Variants in ITFG1 observed in about 807,000 individuals in gnomAD.
The protein encoded by ITFG1 is integrin alpha FG-GAP repeat containing 1.
ITFG1 carries 34 observed loss-of-function variants against 81.8 expected under a neutral mutation model. The ratio of observed to expected loss-of-function variants is 0.42; its 90% CI spans 0.32 to 0.55. The LOEUF (loss-of-function observed/expected upper bound fraction) is 0.55, where lower values mean the gene tolerates loss of function less well. ITFG1 is among the 20% of genes least tolerant of loss of function. The pLI is 0.17. For missense variants in ITFG1, 672 were observed against 755.4 expected, an observed-to-expected ratio of 0.89 and a Z score of 1.29; for synonymous variants, 285 against 270.6, an observed-to-expected ratio of 1.05 and a Z score of -0.52.
chr16:47,379,057 G>A (rs1227930103), intron 6 of ITFG1, among the ~76,000 whole-genome samples: 2 of 152,160 alleles, frequency 1.3e-5, no homozygotes, highest in Non-Finnish European at 2.9e-5. Flanking sequence ...GAACAACTTC[G>A]GCTGAAAAGG....
intron 5 of ITFG1, among the ~76,000 whole-genome samples, chr16:47,444,074 CTTGT>C (rs1285588361): frequency 6.6e-6 from 1 of 151,932 alleles, no homozygotes; most frequent in Non-Finnish European, 1.5e-5. Flanking sequence ...TGAGTGTGAC[CTTGT>C]TTTTTATTTT....
At chr16:47,165,543 C>T (rs1964878065) in intron 14 of ITFG1, among the ~76,000 whole-genome samples, 1 of 152,192 alleles carries the variant, frequency 6.6e-6, no homozygotes, top group African/African-American at 2.4e-5. Context: ...AAAATTTATT[C>T]TTACAGAGTT....
chr16:47,245,479 T>C (rs1965989849), intron 12 of ITFG1, among the ~76,000 whole-genome samples: 1 of 152,190 alleles, frequency 6.6e-6, no homozygotes, highest in Admixed American at 6.5e-5. Flanking sequence ...TTCTTTTTAT[T>C]AGGATGTTTA....
At chr16:47,437,382 T>G (rs895329549) in intron 5 of ITFG1, among the ~76,000 whole-genome samples, 1 of 151,390 alleles carries the variant, frequency 6.6e-6, no homozygotes, top group African/African-American at 2.4e-5. Flanking sequence ...GCAGGAGGAC[T>G]GCTTGCGGCC....
chr16:47,423,378 C>G (rs1968976962), intron 6 of ITFG1, among the ~76,000 whole-genome samples: 1 of 151,612 alleles, frequency 6.6e-6, no homozygotes, highest in Non-Finnish European at 1.5e-5. Context: ...TGGGTCTTGA[C>G]TCTATTCAAT....
At chr16:47,208,940 A>C in intron 14 of ITFG1, among the ~76,000 whole-genome samples, 1 of 152,322 alleles carries the variant, frequency 6.6e-6, no homozygotes, top group Non-Finnish European at 1.5e-5. Flanking sequence ...GAGACAAGAG[A>C]GATTTAAAAA....
At chr16:47,304,720 G>A (rs993099780) in intron 10 of ITFG1, among the ~76,000 whole-genome samples, 1 of 152,020 alleles carries the variant, frequency 6.6e-6, no homozygotes, top group South Asian at 2.1e-4. Context: ...TTGTCATCTG[G>A]TGATTCCACA....
chr16:47,396,125 G>A (rs1968589698), intron 6 of ITFG1: 1 of 979,126 alleles, frequency 1.0e-6, no homozygotes, highest in Non-Finnish European at 1.2e-6. Context: ...ATTTTCTTAA[G>A]TATAGTGTGG....
chr16:47,303,767 G>T (rs1967114028), intron 10 of ITFG1, among the ~76,000 whole-genome samples: 1 of 152,092 alleles, frequency 6.6e-6, no homozygotes, highest in South Asian at 2.1e-4. Flanking sequence ...AGGAACACAG[G>T]TGCCTGCCAC....
intron 10 of ITFG1, among the ~76,000 whole-genome samples, chr16:47,271,496 T>C (rs1408719905): frequency 6.6e-6 from 1 of 152,172 alleles, no homozygotes; most frequent in Non-Finnish European, 1.5e-5. Context: ...ACGAGAATAC[T>C]TGTATAATGT....
intron 10 of ITFG1, among the ~76,000 whole-genome samples, chr16:47,282,803 T>C (rs1966463795): frequency 6.6e-6 from 1 of 152,184 alleles, no homozygotes; most frequent in African/African-American, 2.4e-5. Context: ...ATGGTATATT[T>C]CATTGTGGTT....
chr16:47,281,877 T>C (rs1200215067), intron 10 of ITFG1, among the ~76,000 whole-genome samples: 1 of 152,062 alleles, frequency 6.6e-6, no homozygotes, highest in African/African-American at 2.4e-5. Context: ...TTTATTTTTA[T>C]AGATTTAAGG....
chr16:47,361,818 T>C (rs1968113431), intron 8 of ITFG1, among the ~76,000 whole-genome samples: 1 of 152,232 alleles, frequency 6.6e-6, no homozygotes, highest in African/African-American at 2.4e-5. Context: ...CGATGGTTTC[T>C]GACCACCTTT....
At chr16:47,422,339 G>T (rs1423753192) in intron 6 of ITFG1, among the ~76,000 whole-genome samples, 1 of 152,194 alleles carries the variant, frequency 6.6e-6, no homozygotes, top group African/African-American at 2.4e-5. Flanking sequence ...TCCAGCATCT[G>T]TTGTTTCCTG....
At chr16:47,273,076 T>G (rs1024883900) in intron 10 of ITFG1, among the ~76,000 whole-genome samples, 8 of 151,804 alleles carry the variant, frequency 5.3e-5, no homozygotes, top group African/African-American at 1.9e-4. Flanking sequence ...ATGGATCATT[T>G]AACTTAAAGT....
chr16:47,429,991 C>G (rs1409745454), intron 5 of ITFG1, among the ~76,000 whole-genome samples: 2 of 150,788 alleles, frequency 1.3e-5, no homozygotes, highest in Non-Finnish European at 2.9e-5. Context: ...TTTATATAAT[C>G]TGGGCATTAG....
chr16:47,354,874 T>C (rs1968016700), intron 8 of ITFG1, among the ~76,000 whole-genome samples: 1 of 152,046 alleles, frequency 6.6e-6, no homozygotes, highest in Admixed American at 6.6e-5. Context: ...AGAGTGGCTA[T>C]TATGAAAAAC....
chr16:47,327,506 A>G (rs1297994368), intron 8 of ITFG1, among the ~76,000 whole-genome samples: 1 of 152,224 alleles, frequency 6.6e-6, no homozygotes, highest in Admixed American at 6.5e-5. Flanking sequence ...GCTTCTGCAC[A>G]GCAAAAGAAA....
At chr16:47,458,559 G>A (rs1311139964) in intron 2 of ITFG1, among the ~76,000 whole-genome samples, 2 of 152,102 alleles carry the variant, frequency 1.3e-5, no homozygotes, top group East Asian at 1.9e-4. Context: ...AGAGGTGTGG[G>A]AGTGGTCATT....
Sources: gnomAD v4.1 joint callset for allele counts (sites outside exome capture counted in the v4.1 genomes callset) on GRCh38, gnomAD v4.1.1 for gene constraint, MANE v1.5 for transcripts, NCBI Gene and HGNC (gene_info 2026-07-23, HGNC 2026-07-21) for gene names.